DYNC1LI1: variants seen among roughly 807,000 people sequenced by gnomAD.
DYNC1LI1 encodes cytoplasmic dynein 1 light intermediate chain 1.
DYNC1LI1 carries 19 observed loss-of-function variants against 63.8 expected under a neutral mutation model. That is an observed-to-expected ratio of 0.30 (90% CI 0.21 to 0.44). The LOEUF is 0.44. Among genes scored for constraint, DYNC1LI1 ranks in the 20% least tolerant of loss-of-function variants. The pLI is 1.00. For synonymous variants in DYNC1LI1, 225 were observed against 232.3 expected, an observed-to-expected ratio of 0.97 and a Z score of 0.28; for missense variants, 565 against 630.2, an observed-to-expected ratio of 0.90 and a Z score of 1.11.
chr3:32,541,240 C>T (rs1390050254), intron 4 of DYNC1LI1, 34 bp from the exon 5 acceptor site: 1 of 1,443,786 alleles, frequency 6.9e-7, no homozygotes, highest in South Asian at 1.4e-5. Context: ...TTAGAAATTG[C>T]TTCATTTCAG....
intron 8 of DYNC1LI1, 116 bp from the exon 9 acceptor site, chr3:32,530,636 T>C: frequency 1.1e-6 from 1 of 896,446 alleles, no homozygotes; most frequent in Non-Finnish European, 1.7e-6. Flanking sequence ...ACATTACCTA[T>C]ACTATATTTA....
chr3:32,535,740 T>G (rs915630925), intron 6 of DYNC1LI1, among the ~76,000 whole-genome samples: 1 of 149,194 alleles, frequency 6.7e-6, no homozygotes. Flanking sequence ...GATTTTGAAC[T>G]GTCACTGTCA....
intron 10 of DYNC1LI1, 124 bp downstream of exon 10, chr3:32,530,160 A>G (rs1697676017): frequency 1.2e-6 from 1 of 810,112 alleles, no homozygotes; most frequent in African/African-American, 1.7e-5. Flanking sequence ...CAAATTACAG[A>G]AGAATTCTGA....
At chr3:32,551,255 G>A (rs746975094) in intron 2 of DYNC1LI1, among the ~76,000 whole-genome samples, 8 of 152,152 alleles carry the variant, frequency 5.3e-5, no homozygotes, top group Non-Finnish European at 8.8e-5. Context: ...AAAAGGTAAC[G>A]CTTTAGTCAA....
chr3:32,547,860 C>T (rs1697976687), intron 2 of DYNC1LI1, among the ~76,000 whole-genome samples: 1 of 152,080 alleles, frequency 6.6e-6, no homozygotes, highest in African/African-American at 2.4e-5. Context: ...ACCTAATTGT[C>T]CATCAACTCC....
chr3:32,528,112 C>CAATAAA (rs1697645518), intron 12 of DYNC1LI1, among the ~76,000 whole-genome samples: 1 of 29,896 alleles, frequency 3.3e-5, no homozygotes, highest in Non-Finnish European at 7.6e-5. Context: ...GACTCCATCT[C>CAATAAA]AAAAAAAAAA....
chr3:32,561,034 C>CAAAAAAA (rs1553619588), intron 2 of DYNC1LI1, among the ~76,000 whole-genome samples: 4 of 51,916 alleles, frequency 7.7e-5, no homozygotes, highest in African/African-American at 1.8e-4. Context: ...AAAAAAAAAA[C>CAAAAAAA]AAACAAAAAA....
At chr3:32,546,094 T>C (rs1235962573) in intron 2 of DYNC1LI1, 129 bp from the exon 3 acceptor site, 1 of 625,670 alleles carries the variant, frequency 1.6e-6, no homozygotes, top group African/African-American at 1.8e-5. Flanking sequence ...TGAAATATAA[T>C]GGAGCAGCTA....
intron 8 of DYNC1LI1, chr3:32,531,630 G>T (rs1417472896): frequency 1.3e-5 from 2 of 152,084 alleles, no homozygotes; most frequent in African/African-American, 4.8e-5. Flanking sequence ...TCTTTTAATA[G>T]ACATCCAAAC....
intron 2 of DYNC1LI1, among the ~76,000 whole-genome samples, chr3:32,563,314 G>A (rs1448199185): frequency 1.6e-5 from 2 of 124,428 alleles, no homozygotes; most frequent in African/African-American, 6.1e-5. Flanking sequence ...TTTTTGAGAT[G>A]GAGTCTTGCT....
chr3:32,547,158 G>T (rs1020345917), intron 2 of DYNC1LI1, among the ~76,000 whole-genome samples: 4 of 152,110 alleles, frequency 2.6e-5, no homozygotes, highest in Non-Finnish European at 4.4e-5. Context: ...CAGGAGAACT[G>T]CTTGAATCCG....
In DYNC1LI1 at chr3:32,526,635, C is replaced by G; in HGVS notation, c.*164G>C. ...GAATAATTTTTCTTCTGTACGGCTC[C>G]TTCTAAAAAATGGGTAACCACACAC... On this transcript the variant is annotated 3_prime_UTR_variant, in exon 13 of 13. Transcript: ENST00000273130. 1.9e-6 allele frequency: 1 copy of G among 538,886 alleles called. No individual in the cohort carries two copies. Among genetic ancestry groups the G allele is most frequent in the East Asian group, 2.9e-5 (1 of 34,110 alleles). 33.4% of individuals were successfully genotyped at this position (538,886 alleles called of 1,614,324 possible). A position where few individuals can be genotyped will look rare whatever the true frequency, so the allele number is the denominator to read the frequency against.
chr3:32,553,339 A>C (rs1698069803), intron 2 of DYNC1LI1, among the ~76,000 whole-genome samples: 1 of 152,108 alleles, frequency 6.6e-6, no homozygotes, highest in South Asian at 2.1e-4. Context: ...CTATCCCAAA[A>C]ACAAAAACAA....
At chr3:32,566,501 G>A (rs897555818) in intron 2 of DYNC1LI1, 4 of 191,210 alleles carry the variant, frequency 2.1e-5, no homozygotes, top group Non-Finnish European at 4.5e-5. Context: ...GGCACTTTGG[G>A]AGGCCAAGGC....
At chr3:32,548,436 C>T (rs918157740) in intron 2 of DYNC1LI1, among the ~76,000 whole-genome samples, 1 of 152,184 alleles carries the variant, frequency 6.6e-6, no homozygotes, top group Non-Finnish European at 1.5e-5. Flanking sequence ...AAGTCGGTTT[C>T]TGGTGCCCAA....
Position 32,526,915 on chromosome 3 carries a change from T to C in DYNC1LI1, c.1463-7A>G. Reference sequence around the variant, plus strand: ...TCTAAGACAGGCTTCTGGCCTACATTGAAGAAAAAGAAAAAAAACAAGATT... The same window carrying C: ...TCTAAGACAGGCTTCTGGCCTACATCGAAGAAAAAGAAAAAAAACAAGATT... On this transcript the variant is annotated splice_region_variant and splice_polypyrimidine_tract_variant and intron_variant, in intron 12 of 12. Transcript: ENST00000273130. 6.3e-7 allele frequency: 1 copy of C among 1,590,534 alleles called. No individual in the cohort carries two copies. The highest frequency in any genetic ancestry group is 8.6e-7 in the Non-Finnish European group (1 of 1,167,476).
intron 2 of DYNC1LI1, among the ~76,000 whole-genome samples, chr3:32,558,612 G>A (rs796259713): frequency 3.9e-5 from 6 of 152,088 alleles, no homozygotes; most frequent in African/African-American, 9.6e-5. Context: ...TTGGGAGGCC[G>A]AGGCGGGCCG....
Position 32,527,278 on chromosome 3 carries a change from CAG to C in DYNC1LI1, c.1463-372_1463-371del, listed in dbSNP as rs542103035. Among the ~76,000 whole-genome samples the C allele has an allele frequency of 9.0e-3, 1,365 of 152,284 alleles. 10 individuals carry two copies. The highest frequency in any genetic ancestry group is 0.012 in the Non-Finnish European group (823 of 68,038). ...CACCACTGCACTCCAACCTAGACAA[CAG>C]AGTGAGACTCTGTCTAAAAAATAAA... is the stretch of plus-strand genomic sequence containing the variant. On this transcript the variant is annotated intron_variant, in intron 12 of 12. Coordinates refer to ENST00000273130, the MANE Select transcript of DYNC1LI1 (RefSeq NM_016141.4).
Position 32,570,646 on chromosome 3 carries a change from T to C in DYNC1LI1, c.125A>G (p.Asp42Gly). The C allele has an allele frequency of 1.9e-6, 3 of 1,591,122 alleles. No individual in the cohort carries two copies. Among genetic ancestry groups the C allele is most frequent in the African/African-American group, 2.7e-5 (2 of 74,066 alleles). ...SGNGGAAAGD[D>G]EDGQNLWSCI... The stretch of plus-strand genomic sequence containing the variant: ...TTACCAAAGGTTCTGCCCGTCCTCG[T>C]CGTCGCCTGCCGCGGCGCCACCGTT... The change falls in exon 1 of 13, where the codon GAC (aspartate) becomes GGC (glycine). Residue 42 changes from aspartate (D) to glycine (G), a missense_variant. Transcript: ENST00000273130.
Sources: allele counts gnomAD v4.1 joint callset (sites outside exome capture counted in the v4.1 genomes callset), GRCh38; gene constraint gnomAD v4.1.1; transcripts MANE v1.5; gene names NCBI Gene and HGNC (gene_info 2026-07-23, HGNC 2026-07-21).